Variants in USP9X observed in about 807,000 individuals in gnomAD.
USP9X encodes ubiquitin specific peptidase 9 X-linked.
A neutral mutation model predicts 190.3 loss-of-function variants in USP9X; 7 were observed. That is an observed-to-expected ratio of 0.04 (90% confidence interval 0.02 to 0.07). The LOEUF is 0.07. USP9X is among the 10% of genes least tolerant of loss of function. The pLI, the probability that USP9X is intolerant of heterozygous loss-of-function variation, is 1.00. For missense variants in USP9X, 1,010 were observed against 1,916.9 expected, an observed-to-expected ratio of 0.53 and a Z score of 8.83; for synonymous variants, 645 against 659.5, an observed-to-expected ratio of 0.98 and a Z score of 0.34.
chrX:41,197,331 T>TGGGGGGGGGG, intron 28 of USP9X, 33 bp from the exon 29 acceptor site: 1 of 486,738 alleles, frequency 2.1e-6, no homozygotes. Context: ...TTTGATTTCT[T>TGGGGGGGGGG]CCCCCCCCCA....
At chrX:41,231,679 G>A (rs1328376209) in intron 44 of USP9X, among the ~76,000 whole-genome samples, 6 of 104,469 alleles carry the variant, frequency 5.7e-5, no homozygotes, top group Non-Finnish European at 9.8e-5. Flanking sequence ...GTGGTGAGTC[G>A]AGATAGCACC....
intron 11 of USP9X, 115 bp from the exon 12 acceptor site, chrX:41,148,254 C>T (rs917098338): frequency 5.4e-6 from 4 of 734,507 alleles, no homozygotes; most frequent in Admixed American, 6.3e-5. Flanking sequence ...TCACTTGAAT[C>T]ATTCTGTGCT....
At chrX:41,130,110 T>C (rs2062295621) in intron 3 of USP9X, among the ~76,000 whole-genome samples, 1 of 111,953 alleles carries the variant, frequency 8.9e-6, no homozygotes, top group African/African-American at 3.2e-5. Context: ...TACTATCATA[T>C]ATGAATTGAT....
intron 17 of USP9X, 86 bp from the exon 18 acceptor site, chrX:41,167,921 G>A (rs2062691723): frequency 2.7e-6 from 2 of 744,089 alleles, no homozygotes; most frequent in Non-Finnish European, 3.9e-6. Flanking sequence ...AATTAAATCA[G>A]CCATTGCCAT....
intron 24 of USP9X, among the ~76,000 whole-genome samples, chrX:41,187,623 T>C (rs2062893091): frequency 8.9e-6 from 1 of 111,894 alleles, no homozygotes. Context: ...CTAGAGAACT[T>C]GGGGAGCGTA....
chrX:41,141,033 G>A lies in USP9X; in HGVS notation c.838G>A (p.Glu280Lys). The A allele has an allele frequency of 8.3e-7, 1 of 1,205,970 alleles. No homozygotes were observed. The highest frequency in any genetic ancestry group is 1.1e-6 in the Non-Finnish European group (1 of 892,907). The part of the protein sequence containing the change: ...TVKKYFLPII[E>K]MVPQFLENLT... ...GAAAAAGTACTTTCTTCCAATAATA[G>A]AAATGGTTCCACAGTTTTTAGAAAA... Residue 280 changes from glutamate to lysine, a missense_variant, in exon 8 of 45, where the codon GAA (glutamate) becomes AAA (lysine). By Grantham distance (56) the Glu-to-Lys change is moderately conservative. Transcript: ENST00000378308.
chrX:41,111,112 C>A (rs191219762), intron 1 of USP9X, among the ~76,000 whole-genome samples: 3 of 108,803 alleles, frequency 2.8e-5, no homozygotes, highest in African/African-American at 6.7e-5. Flanking sequence ...CTCCACCTCG[C>A]AAATTCATAT....
At chrX:41,153,291 T>C (rs2147081448) in intron 14 of USP9X, among the ~76,000 whole-genome samples, 1 of 111,891 alleles carries the variant, frequency 8.9e-6, no homozygotes, top group South Asian at 3.7e-4. Flanking sequence ...AGATTTTTGT[T>C]CTCTGCTTTG....
chrX:41,167,595 T>C lies in USP9X; in HGVS notation c.2424+18T>C. The C allele has an allele frequency of 9.0e-7, 1 of 1,107,021 alleles. No homozygotes were observed. The highest frequency in any genetic ancestry group is 1.2e-6 in the Non-Finnish European group (1 of 813,366). The allele number at this position is 1,107,021 out of a possible 1,213,427, so 91.2% of individuals were successfully genotyped here. A position where few individuals can be genotyped will look rare whatever the true frequency, so the allele number is the denominator to read the frequency against. On this transcript the variant is annotated intron_variant, in intron 17 of 44. Transcript: ENST00000378308. Reference sequence around the variant, plus strand: ...TCAATCAGGTGAGGATTGATGTGCATTAAAACTTCCATATATAATTCTTTC... The same window carrying C: ...TCAATCAGGTGAGGATTGATGTGCACTAAAACTTCCATATATAATTCTTTC...
intron 25 of USP9X, among the ~76,000 whole-genome samples, chrX:41,189,065 T>C (rs1017896633): frequency 2.7e-5 from 3 of 112,155 alleles, no homozygotes; most frequent in Admixed American, 9.5e-5. Flanking sequence ...AGATAGGTAG[T>C]GTGCTCAGTG....
At chrX:41,212,749 A>G (rs1484197892) in intron 33 of USP9X, among the ~76,000 whole-genome samples, 3 of 111,323 alleles carry the variant, frequency 2.7e-5, no homozygotes, top group Non-Finnish European at 3.8e-5. Flanking sequence ...TTGAGTACAC[A>G]TGTGGTTTGT....
At chrX:41,229,947 T>A (rs1287192351) in intron 43 of USP9X, 168 bp downstream of exon 43, 20 of 916,123 alleles carry the variant, frequency 2.2e-5, no homozygotes, top group Admixed American at 3.7e-5. Flanking sequence ...ACGCCTGTAA[T>A]CCCAACACTT....
chrX:41,140,449 C>T (rs1256003371), intron 6 of USP9X, among the ~76,000 whole-genome samples: 2 of 111,686 alleles, frequency 1.8e-5, no homozygotes, highest in Non-Finnish European at 3.8e-5. Context: ...GAACTATGCC[C>T]CAGTGATTTA....
chrX:41,161,925 C>CT (rs1212986562), intron 14 of USP9X, among the ~76,000 whole-genome samples: 1 of 110,104 alleles, frequency 9.1e-6, no homozygotes, highest in Non-Finnish European at 1.9e-5. Context: ...TGAAGTAGTC[C>CT]TTTAAGTCCC....
At chrX:41,230,722 A>C in intron 44 of USP9X, 126 bp downstream of exon 44, 3 of 555,537 alleles carry the variant, frequency 5.4e-6, no homozygotes, top group Non-Finnish European at 8.5e-6. Flanking sequence ...TAGCTTTGGG[A>C]GCATGATCCA....
In USP9X at chrX:41,143,310, A is replaced by G. The variant is rs2062438444; in HGVS notation, c.1181A>G (p.Asn394Ser). 4 of 1,193,532 alleles carry G rather than the reference A, an allele frequency of 3.4e-6. No individual in the cohort carries two copies. The highest frequency in any genetic ancestry group is 4.5e-6 in the Non-Finnish European group (4 of 886,407). The change falls in exon 10 of 45, where the codon AAT (asparagine) becomes AGT (serine). Residue 394 changes from asparagine to serine, a missense_variant. Transcript: ENST00000378308. ...ERMAEWIQQN[N>S]ILSIVLRDSL... ...ATTTAGGAATGGATACAGCAGAACA[A>G]TATCTTATCCATAGTGTTGCGAGAT...
intron 38 of USP9X, among the ~76,000 whole-genome samples, chrX:41,220,593 A>G (rs138291597): frequency 0.011 from 1,216 of 112,580 alleles, 6 homozygotes; most frequent in Non-Finnish European, 0.015. Context: ...AATAAAGACT[A>G]TAAGTAGCCT....
chrX:41,110,083 G>C (rs57883720), intron 1 of USP9X, among the ~76,000 whole-genome samples: 75 of 110,914 alleles, frequency 6.8e-4, no homozygotes, highest in African/African-American at 2.4e-3. Context: ...ACTCCTGCCT[G>C]TTTGAGAAGG....
Position 41,218,392 on chromosome X carries a change from T to C in USP9X, c.6230T>C (p.Leu2077Pro). The part of the protein sequence containing the change: ...ASDWYDALCI[L>P]LRHSKNVRFW... Reference sequence around the variant, plus strand: ...TTTAGGTATGATGCATTGTGTATTCTCCTTCGTCACAGCAAGAATGTACGT... The same window carrying C: ...TTTAGGTATGATGCATTGTGTATTCCCCTTCGTCACAGCAAGAATGTACGT... The change falls in exon 37 of 45, where the codon CTC becomes CCC. Residue 2077 changes from leucine (L) to proline (P), a missense_variant. Physicochemically the swap from Leu to Pro is moderately conservative, Grantham distance 98 (BLOSUM62 -3). Transcript: ENST00000378308. 2.5e-6 allele frequency: 3 copies of C among 1,211,736 alleles called. No homozygotes were observed. The highest frequency in any genetic ancestry group is 3.4e-6 in the Non-Finnish European group (3 of 895,498).
Sources: gnomAD v4.1 joint callset for allele counts (sites outside exome capture counted in the v4.1 genomes callset) on GRCh38, gnomAD v4.1.1 for gene constraint, MANE v1.5 for transcripts, NCBI Gene and HGNC (gene_info 2026-07-23, HGNC 2026-07-21) for gene names.